The following PIGN variants were observed in gnomAD, a reference collection of about 807,000 sequenced individuals.
PIGN encodes the protein phosphatidylinositol glycan anchor biosynthesis class N, also known as GPI ethanolamine phosphate transferase 1.
Under a neutral mutation model 125.4 loss-of-function variants are expected in PIGN, and 117 were observed. The observed-to-expected ratio is 0.93, with a 90% CI of 0.80 to 1.09. The LOEUF (loss-of-function observed/expected upper bound fraction) is 1.09, where lower values mean the gene tolerates loss of function less well. Among genes scored for constraint, PIGN ranks in the 50% least tolerant of loss-of-function variants. The pLI, the probability that PIGN is intolerant of heterozygous loss-of-function variation, is 0.00. For missense variants in PIGN, 1,075 were observed against 1,094.9 expected, an observed-to-expected ratio of 0.98 and a Z score of 0.26; for synonymous variants, 392 against 377.8, an observed-to-expected ratio of 1.04 and a Z score of -0.44.
At chr18:62,068,463 T>C (rs561406451) in intron 30 of PIGN, among the ~76,000 whole-genome samples, 1 of 152,318 alleles carries the variant, frequency 6.6e-6, no homozygotes, top group East Asian at 1.9e-4. Context: ...AGTTTGTTTA[T>C]TTTTATTGGG....
chr18:62,143,675 C>A (rs1160090219), intron 10 of PIGN, among the ~76,000 whole-genome samples: 1 of 152,168 alleles, frequency 6.6e-6, no homozygotes. Context: ...TCAGCATTGA[C>A]AACTCATTAC....
At chr18:62,118,887 A>G (rs904281365) in intron 14 of PIGN, among the ~76,000 whole-genome samples, 6 of 149,098 alleles carry the variant, frequency 4.0e-5, no homozygotes, top group African/African-American at 1.5e-4. Flanking sequence ...AAAGAGGTGA[A>G]AAAAAAAAAA....
At chr18:62,103,996 T>C (rs1398785099) in intron 20 of PIGN, among the ~76,000 whole-genome samples, 1 of 152,198 alleles carries the variant, frequency 6.6e-6, no homozygotes, top group East Asian at 1.9e-4. Flanking sequence ...TTGTACACGT[T>C]TGCTTTTTCC....
chr18:62,142,172 G>A (rs2036163441), intron 11 of PIGN, among the ~76,000 whole-genome samples: 1 of 152,186 alleles, frequency 6.6e-6, no homozygotes, highest in African/African-American at 2.4e-5. Context: ...CCCAGGACAG[G>A]GATTATGTCT....
chr18:62,122,568 A>G (rs1253824326), intron 14 of PIGN, among the ~76,000 whole-genome samples: 1 of 152,184 alleles, frequency 6.6e-6, no homozygotes, highest in Non-Finnish European at 1.5e-5. Flanking sequence ...TACAGGGTTG[A>G]AAATTAACTT....
At chr18:62,036,061 A>C (rs1051614564) in intron 23 of PIGN, among the ~76,000 whole-genome samples, 3 of 152,166 alleles carry the variant, frequency 2.0e-5, no homozygotes, top group Admixed American at 6.5e-5. Flanking sequence ...GCATGCCTAC[A>C]TTTCAGATAC....
At chr18:62,151,355 G>C (rs1299736981) in intron 7 of PIGN, among the ~76,000 whole-genome samples, 1 of 152,180 alleles carries the variant, frequency 6.6e-6, no homozygotes, top group Admixed American at 6.5e-5. Context: ...TACACTTGCT[G>C]CACTAAAGTG....
chr18:62,179,713 C>T (rs2037650792), intron 1 of PIGN, among the ~76,000 whole-genome samples: 1 of 152,106 alleles, frequency 6.6e-6, no homozygotes, highest in African/African-American at 2.4e-5. Context: ...CGCCACTGCA[C>T]TCCAGCCTGG....
chr18:62,065,799 T>C (rs2032485606), intron 30 of PIGN, among the ~76,000 whole-genome samples: 1 of 152,162 alleles, frequency 6.6e-6, no homozygotes, highest in Admixed American at 6.5e-5. Flanking sequence ...GGTTGTTGAA[T>C]GAAAGCATGA....
chr18:62,131,484 T>C (rs910289936), intron 14 of PIGN, among the ~76,000 whole-genome samples: 3 of 152,154 alleles, frequency 2.0e-5, no homozygotes, highest in Non-Finnish European at 4.4e-5. Context: ...TTTATGCCTC[T>C]CCTGGTCATG....
intron 14 of PIGN, among the ~76,000 whole-genome samples, chr18:62,123,170 G>A (rs559202925): frequency 6.6e-6 from 1 of 152,260 alleles, no homozygotes; most frequent in South Asian, 2.1e-4. Context: ...AGCCCAGGAA[G>A]TCAAGGCTCC....
At chr18:62,064,795 G>C (rs2032405464) in intron 30 of PIGN, among the ~76,000 whole-genome samples, 1 of 152,004 alleles carries the variant, frequency 6.6e-6, no homozygotes, top group South Asian at 2.1e-4. Context: ...CCCAGGTTTG[G>C]GTAGAAGTTT....
intron 7 of PIGN, among the ~76,000 whole-genome samples, chr18:62,149,185 G>T (rs1381725253): frequency 4.0e-5 from 6 of 151,892 alleles, no homozygotes; most frequent in African/African-American, 1.4e-4. Context: ...AAGTATTTAA[G>T]TATTTTTTTC....
At chr18:62,075,898 A>G (rs2033145204) in intron 28 of PIGN, 1 of 152,150 alleles carries the variant, frequency 6.6e-6, no homozygotes, top group Non-Finnish European at 1.5e-5. Flanking sequence ...TATTCTGATA[A>G]ACTGTTCTGG....
chr18:62,039,962 T>C (rs1226059546), downstream of PIGN, among the ~76,000 whole-genome samples: 2 of 58,904 alleles, frequency 3.4e-5, no homozygotes, highest in Non-Finnish European at 6.2e-5. Context: ...CCGCACATCA[T>C]GTTTAGGGCC....
chr18:62,148,416 T>C, intron 7 of PIGN, 78 bp from the exon 8 acceptor site: 1 of 1,003,996 alleles, frequency 1.0e-6, no homozygotes, highest in Non-Finnish European at 1.4e-6. Flanking sequence ...AACATTTAAA[T>C]TTATGCATAA....
At chr18:62,088,930 A>C in intron 24 of PIGN, 88 bp from the exon 25 acceptor site, 1 of 729,570 alleles carries the variant, frequency 1.4e-6, no homozygotes, top group Admixed American at 2.1e-5. Flanking sequence ...CTAAGTTACA[A>C]TGGCTAGAAA....
intron 14 of PIGN, among the ~76,000 whole-genome samples, chr18:62,117,504 A>T (rs554372950): frequency 1.3e-4 from 20 of 152,170 alleles, no homozygotes; most frequent in African/African-American, 4.8e-4. Flanking sequence ...ATAGATTTTT[A>T]AAATAGGGAT....
At chr18:62,156,357 G>A (rs2147498843) in intron 6 of PIGN, among the ~76,000 whole-genome samples, 1 of 152,026 alleles carries the variant, frequency 6.6e-6, no homozygotes, top group East Asian at 1.9e-4. Flanking sequence ...GAGATAGGGT[G>A]TTGCTCTGTT....
Sources: allele counts gnomAD v4.1 joint callset (sites outside exome capture counted in the v4.1 genomes callset), GRCh38; gene constraint gnomAD v4.1.1; transcripts MANE v1.5; gene names NCBI Gene and HGNC (gene_info 2026-07-23, HGNC 2026-07-21).